TANC2: variants seen among roughly 807,000 people sequenced by gnomAD.
The protein encoded by TANC2 is protein TANC2.
A neutral mutation model predicts 210.5 loss-of-function variants in TANC2; 26 were observed. The observed-to-expected ratio is 0.12, with a 90% confidence interval of 0.09 to 0.17. The LOEUF is 0.17. Among genes scored for constraint, TANC2 ranks in the 10% least tolerant of loss-of-function variants. The pLI, the probability that TANC2 is intolerant of heterozygous loss-of-function variation, is 1.00. For missense variants in TANC2, 2,129 were observed against 2,608.9 expected (o/e 0.82, Z 4.01); for synonymous variants, 931 against 967.1 (o/e 0.96, Z 0.69).
intron 9 of TANC2, among the ~76,000 whole-genome samples, chr17:63,276,704 A>G (rs759351536): frequency 5.9e-5 from 9 of 152,252 alleles, no homozygotes; most frequent in Non-Finnish European, 1.3e-4. Context: ...CCCCACATTA[A>G]TAGAAGGCAA....
intron 9 of TANC2, among the ~76,000 whole-genome samples, chr17:63,275,443 T>C (rs2043843167): frequency 6.6e-6 from 1 of 152,160 alleles, no homozygotes; most frequent in Non-Finnish European, 1.5e-5. Flanking sequence ...TTTTATCAAA[T>C]CTGTGCTTCA....
chr17:63,070,520 A>C (rs951258164), intron 2 of TANC2, among the ~76,000 whole-genome samples: 2 of 152,128 alleles, frequency 1.3e-5, no homozygotes, highest in Non-Finnish European at 2.9e-5. Context: ...CATTCAACTC[A>C]TTCCTTTTCA....
intron 7 of TANC2, among the ~76,000 whole-genome samples, chr17:63,220,734 A>ATG (rs1555609802): frequency 1.3e-4 from 19 of 145,012 alleles, no homozygotes; most frequent in Non-Finnish European, 2.4e-4. Context: ...ATATATATAT[A>ATG]TATGTATATA....
At chr17:63,195,041 A>G (rs1458469547) in intron 6 of TANC2, among the ~76,000 whole-genome samples, 1 of 152,138 alleles carries the variant, frequency 6.6e-6, no homozygotes, top group African/African-American at 2.4e-5. Flanking sequence ...TATATCACAT[A>G]CTACTTTTGT....
intron 18 of TANC2, chr17:63,396,517 A>C (rs1195101586): frequency 6.5e-6 from 1 of 154,728 alleles, no homozygotes; most frequent in Non-Finnish European, 1.4e-5. Flanking sequence ...GTGTGCTAGG[A>C]AATGTTTAAC....
chr17:63,079,467 G>C (rs1436111353), intron 3 of TANC2, among the ~76,000 whole-genome samples: 1 of 152,058 alleles, frequency 6.6e-6, no homozygotes. Flanking sequence ...TTATATTCAG[G>C]GGTTTTAGTT....
chr17:63,074,985 C>T (rs1221571200), intron 3 of TANC2, among the ~76,000 whole-genome samples: 2 of 152,008 alleles, frequency 1.3e-5, no homozygotes, highest in Non-Finnish European at 2.9e-5. Flanking sequence ...TTTGCTCTTC[C>T]CAGTTTTTAG....
intron 2 of TANC2, among the ~76,000 whole-genome samples, chr17:63,010,337 G>C (rs946912732): frequency 6.6e-6 from 1 of 152,074 alleles, no homozygotes; most frequent in African/African-American, 2.4e-5. Flanking sequence ...GTATTTACCA[G>C]TTTCCAAACT....
chr17:63,038,429 G>A (rs1295568786), intron 2 of TANC2, among the ~76,000 whole-genome samples: 1 of 151,826 alleles, frequency 6.6e-6, no homozygotes, highest in African/African-American at 2.4e-5. Context: ...CTAATATTTT[G>A]TTGAGGATCT....
In TANC2 at chr17:63,363,126, A is replaced by C. The variant is rs1345896030; in HGVS notation, c.2582+7736A>C. Among the ~76,000 whole-genome samples, 6 of 152,270 alleles carry C rather than the reference A, an allele frequency of 3.9e-5. No homozygotes were observed. In the East Asian group the frequency reaches 1.2e-3, roughly 29 times the overall value. On this transcript the variant is annotated intron_variant, in intron 14 of 27. Transcript: ENST00000689528. Reference sequence around the variant, plus strand: ...ATTTGAATTTCTGTGATGATCAGTGATCATATACCTGTTTGCCATTTGTGT... The same window carrying C: ...ATTTGAATTTCTGTGATGATCAGTGCTCATATACCTGTTTGCCATTTGTGT...
At chr17:63,065,943 T>C (rs2036178913) in intron 2 of TANC2, among the ~76,000 whole-genome samples, 1 of 152,154 alleles carries the variant, frequency 6.6e-6, no homozygotes, top group Non-Finnish European at 1.5e-5. Context: ...CAGACTGGAG[T>C]GCAGTGGGTG....
rs184671111 is a variant in TANC2 at position 63,058,460 on chromosome 17, A to T, written c.68-15483A>T. ...ATTTATCAATTTTTGCTTTTGTGGC[A>T]GTTGCTTTTGGTGTCTTTGCCATGA... On this transcript the variant is annotated intron_variant, in intron 2 of 27. Transcript: ENST00000689528. Among the ~76,000 whole-genome samples, 104 of 152,220 alleles carry T rather than the reference A, an allele frequency of 6.8e-4. 1 individual carries two copies. The highest frequency in any genetic ancestry group is 1.9e-3 in the Admixed American group (29 of 15,294).
chr17:63,086,943 G>A (rs1003036188), intron 3 of TANC2, among the ~76,000 whole-genome samples: 1 of 152,168 alleles, frequency 6.6e-6, no homozygotes, highest in African/African-American at 2.4e-5. Flanking sequence ...GGACATGGGC[G>A]GGGACAAATA....
intron 17 of TANC2, among the ~76,000 whole-genome samples, chr17:63,394,712 TC>T (rs1483630834): frequency 6.6e-6 from 1 of 152,242 alleles, no homozygotes; most frequent in East Asian, 1.9e-4. Context: ...CTGAATCTGT[TC>T]CTGATTCTAG....
intron 1 of TANC2, chr17:62,978,561 C>G (rs1309351431): frequency 1.3e-5 from 2 of 152,316 alleles, no homozygotes; most frequent in Non-Finnish European, 2.9e-5. Context: ...ACAGTATGGA[C>G]AGCTGGGAAA....
At chr17:63,093,791 T>C (rs897326798) in intron 3 of TANC2, among the ~76,000 whole-genome samples, 9 of 152,088 alleles carry the variant, frequency 5.9e-5, no homozygotes, top group African/African-American at 2.2e-4. Context: ...TTGTTTTCAT[T>C]TTTTTAGAGA....
intron 5 of TANC2, among the ~76,000 whole-genome samples, chr17:63,157,487 A>G (rs2039879361): frequency 6.6e-6 from 1 of 152,138 alleles, no homozygotes; most frequent in South Asian, 2.1e-4. Context: ...GAAGAAGTAA[A>G]ATGTTCTGGT....
exon 28 of TANC2, chr17:63,423,556 G>A (rs747472826): frequency 1.3e-5 from 2 of 152,274 alleles, no homozygotes; most frequent in Non-Finnish European, 2.9e-5. Flanking sequence ...AAGGGCTGCA[G>A]GAAGGGCAGT....
intron 7 of TANC2, among the ~76,000 whole-genome samples, chr17:63,229,143 G>A (rs2042403594): frequency 6.6e-6 from 1 of 152,180 alleles, no homozygotes. Context: ...ATGAAGGGAT[G>A]TTGAATTTTA....
Sources: gnomAD v4.1 joint callset for allele counts (sites outside exome capture counted in the v4.1 genomes callset) on GRCh38, gnomAD v4.1.1 for gene constraint, MANE v1.5 for transcripts, NCBI Gene and HGNC (gene_info 2026-07-23, HGNC 2026-07-21) for gene names.